Variants in CEP152 observed in about 807,000 individuals in gnomAD.
CEP152 encodes centrosomal protein of 152 kDa.
In CEP152, 132 loss-of-function variants were observed where a neutral mutation model predicts 188.9. The observed-to-expected ratio is 0.70, with a 90% CI of 0.61 to 0.81. The LOEUF (loss-of-function observed/expected upper bound fraction) is 0.81. Ranked by LOEUF, CEP152 falls within the 30% of genes least tolerant of loss-of-function variation. The pLI is 0.00. For missense variants in CEP152, 1,914 were observed against 1,969.8 expected, an observed-to-expected ratio of 0.97 and a Z score of 0.54; for synonymous variants, 649 against 666.6, an observed-to-expected ratio of 0.97 and a Z score of 0.41.
At chr15:48,800,864 AAG>A (rs1391263210) in intron 2 of CEP152, among the ~76,000 whole-genome samples, 7 of 152,340 alleles carry the variant, frequency 4.6e-5, no homozygotes, top group East Asian at 1.9e-4. Flanking sequence ...AAGAAAAAAA[AAG>A]AGAGCATTTT....
intron 26 of CEP152, chr15:48,740,399 T>G (rs542928158): frequency 6.6e-6 from 1 of 152,188 alleles, no homozygotes; most frequent in South Asian, 2.1e-4. Context: ...AAAACCCTAT[T>G]TGAAAGTTGT....
intron 2 of CEP152, among the ~76,000 whole-genome samples, chr15:48,732,303 A>C (rs571389733): frequency 4.6e-5 from 7 of 152,222 alleles, no homozygotes; most frequent in Non-Finnish European, 1.0e-4. Context: ...TTAATGATAG[A>C]CTAGATAAAG....
intron 20 of CEP152, among the ~76,000 whole-genome samples, chr15:48,754,993 A>C (rs1432073554): frequency 1.3e-5 from 2 of 151,276 alleles, no homozygotes; most frequent in Admixed American, 6.6e-5. Context: ...TCTCAACTCT[A>C]TTAGACAAAC....
intron 9 of CEP152, among the ~76,000 whole-genome samples, chr15:48,788,121 C>G (rs976021256): frequency 6.6e-6 from 1 of 152,196 alleles, no homozygotes; most frequent in Admixed American, 6.5e-5. Flanking sequence ...TCCAAGGTAA[C>G]CTCTCAAGTT....
At chr15:48,777,036 T>C (rs539951526) in intron 12 of CEP152, among the ~76,000 whole-genome samples, 2 of 152,096 alleles carry the variant, frequency 1.3e-5, no homozygotes, top group African/African-American at 2.4e-5. Context: ...ACAAGCTTCC[T>C]ACAAAATACT....
At chr15:48,781,452 G>A in intron 11 of CEP152, 93 bp from the exon 12 acceptor site, 1 of 1,009,774 alleles carries the variant, frequency 9.9e-7, no homozygotes, top group African/African-American at 1.6e-5. Context: ...ATGATCAACA[G>A]GAGGCAAAAA....
At chr15:48,745,577 A>G (rs1475128177) in intron 22 of CEP152, among the ~76,000 whole-genome samples, 1 of 151,986 alleles carries the variant, frequency 6.6e-6, no homozygotes, top group Admixed American at 6.6e-5. Flanking sequence ...AGGTTTTGGG[A>G]TAGGCGGTGG....
At chr15:48,781,101 A>C in intron 12 of CEP152, 95 bp downstream of exon 12, 1 of 1,114,898 alleles carries the variant, frequency 9.0e-7, no homozygotes, top group Non-Finnish European at 1.4e-6. Context: ...TTAACATATG[A>C]AAATAATACG....
At chr15:48,784,970 C>T (rs1567016418) in intron 9 of CEP152, among the ~76,000 whole-genome samples, 2 of 152,138 alleles carry the variant, frequency 1.3e-5, no homozygotes, top group Non-Finnish European at 2.9e-5. Flanking sequence ...AAAAAGGCTA[C>T]ACAGGCTGAA....
intron 6 of CEP152, 149 bp from the exon 7 acceptor site, chr15:48,793,610 G>C: frequency 5.5e-6 from 4 of 729,930 alleles, no homozygotes; most frequent in Non-Finnish European, 9.0e-6. Flanking sequence ...AAAAAAGAGA[G>C]AGAGAATATA....
At chr15:48,800,084 CA>C in intron 2 of CEP152, among the ~76,000 whole-genome samples, 1 of 152,222 alleles carries the variant, frequency 6.6e-6, no homozygotes, top group East Asian at 1.9e-4. Context: ...CAAAAAACTA[CA>C]TAATAATTCA....
chr15:48,735,863 C>A (rs189308168), downstream of CEP152, among the ~76,000 whole-genome samples: 2 of 152,152 alleles, frequency 1.3e-5, no homozygotes, highest in African/African-American at 4.8e-5. Context: ...CCCAAAAGTT[C>A]TTTGGGGGAA....
chr15:48,785,989 G>T (rs1896607376), intron 9 of CEP152, among the ~76,000 whole-genome samples: 1 of 151,770 alleles, frequency 6.6e-6, no homozygotes. Context: ...AACTGGACAG[G>T]GTTCTAGCAC....
At chr15:48,763,726 T>G (rs1894863708) in intron 17 of CEP152, among the ~76,000 whole-genome samples, 1 of 152,172 alleles carries the variant, frequency 6.6e-6, no homozygotes, top group Non-Finnish European at 1.5e-5. Flanking sequence ...CTTTTTTGTT[T>G]TCATTTCTAA....
At chr15:48,777,466 T>TTGTGTGTGTG (rs35650877) in intron 12 of CEP152, among the ~76,000 whole-genome samples, 7,702 of 147,402 alleles carry the variant, frequency 0.052, 264 homozygotes, top group East Asian at 0.12. Context: ...TCTTAGAATA[T>TTGTGTGTGTG]TGTGTGTGTG....
At chr15:48,752,953 A>G (rs1893983088) in intron 20 of CEP152, among the ~76,000 whole-genome samples, 1 of 152,222 alleles carries the variant, frequency 6.6e-6, no homozygotes, top group Non-Finnish European at 1.5e-5. Context: ...ATATGCTTCT[A>G]AATACTTTAA....
At chr15:48,729,961 T>C (rs1008584105) in intron 2 of CEP152, 6 of 151,750 alleles carry the variant, frequency 4.0e-5, no homozygotes, top group Non-Finnish European at 5.9e-5. Flanking sequence ...TAAGGAAATT[T>C]CTGGTGATAC....
chr15:48,755,811 A>G (rs905854183), intron 20 of CEP152, 92 bp downstream of exon 20: 6 of 1,587,566 alleles, frequency 3.8e-6, no homozygotes, highest in Non-Finnish European at 4.3e-6. Context: ...TACATCTACT[A>G]AAATTTAAAA....
At position 48,738,174 on chromosome 15, in the gene CEP152, A is replaced by G; in HGVS notation, c.*75T>C. 6.8e-7 allele frequency: 1 copy of G among 1,460,686 alleles called. No individual in the cohort carries two copies. Among genetic ancestry groups the G allele is most frequent in the Non-Finnish European group, 9.1e-7 (1 of 1,096,038 alleles). The allele number at this position is 1,460,686 out of a possible 1,614,324, so 90.5% of individuals were successfully genotyped here. On this transcript the variant is annotated 3_prime_UTR_variant, in exon 27 of 27. Transcript: ENST00000380950. ...CATCTCAAAAGAGGCAGGGCTCACA[A>G]TTTTTTTCAGTATGAGGTCTTCCCT...
Sources: gnomAD v4.1 joint callset for allele counts (sites outside exome capture counted in the v4.1 genomes callset) on GRCh38, gnomAD v4.1.1 for gene constraint, MANE v1.5 for transcripts, NCBI Gene and HGNC (gene_info 2026-07-23, HGNC 2026-07-21) for gene names.